Variants in SEMA5A observed in about 807,000 individuals in gnomAD.
SEMA5A encodes the protein semaphorin 5A.
SEMA5A carries 55 observed loss-of-function variants against 135.5 expected under a neutral mutation model. That is an observed-to-expected ratio of 0.41 (90% confidence interval 0.33 to 0.51). The LOEUF (loss-of-function observed/expected upper bound fraction) is 0.51. Among genes scored for constraint, SEMA5A ranks in the 20% least tolerant of loss-of-function variants. The probability of loss-of-function intolerance (pLI) is 0.37; values close to 1 mark genes in which losing one functional copy is unlikely to be tolerated. For synonymous variants in SEMA5A, 580 were observed against 546.5 expected, an observed-to-expected ratio of 1.06 and a Z score of -0.85; for missense variants, 1,290 against 1,419.9, an observed-to-expected ratio of 0.91 and a Z score of 1.47.
chr5:9,303,137 G>C lies in SEMA5A; in HGVS notation c.270+15235C>G, dbSNP rs866345943. Among the ~76,000 whole-genome samples the C allele has an allele frequency of 4.9e-5, 7 of 142,884 alleles. 1 individual carries two copies. The highest frequency in any genetic ancestry group is 1.0e-4 in the African/African-American group (4 of 38,132). The allele number at this position is 142,884 out of a possible 152,430, so 93.7% of individuals were successfully genotyped here. A position where few individuals can be genotyped will look rare whatever the true frequency, so the allele number is the denominator to read the frequency against. ...ATATATAATTTTTTTTTTTTTTTGA[G>C]ACAGAGTCTCGCTCTGTTGCCCAGG... is the stretch of plus-strand genomic sequence containing the variant. On this transcript the variant is annotated intron_variant, in intron 5 of 22. Coordinates refer to ENST00000382496, the MANE Select transcript of SEMA5A (RefSeq NM_003966.3).
intron 5 of SEMA5A, among the ~76,000 whole-genome samples, chr5:9,276,175 A>G (rs1561098044): frequency 6.7e-6 from 1 of 149,386 alleles, no homozygotes; most frequent in Non-Finnish European, 1.5e-5. Context: ...TAACAGACAA[A>G]CAGAGAGCCA....
At chr5:9,115,567 C>T (rs1272700939) in intron 15 of SEMA5A, among the ~76,000 whole-genome samples, 1 of 152,192 alleles carries the variant, frequency 6.6e-6, no homozygotes, top group Admixed American at 6.5e-5. Flanking sequence ...GATTAACAGA[C>T]TGATGGGAAC....
rs137965166 is a variant in SEMA5A at position 9,434,802 on chromosome 5, C to T, written c.-78+2954G>A. Among the ~76,000 whole-genome samples the T allele has an allele frequency of 3.8e-3, 571 of 152,264 alleles. 4 individuals are homozygous for T. The highest frequency in any genetic ancestry group is 0.013 in the African/African-American group (547 of 41,520). ...GAATAAGTACCTAGGGGCCAGTGCT[C>T]CTTGACAAAGGCATGTCTCCAAAAC... On this transcript the variant is annotated intron_variant, in intron 2 of 22. Coordinates refer to ENST00000382496, the MANE Select transcript of SEMA5A (RefSeq NM_003966.3).
chr5:9,542,815 C>A (rs1162297346), intron 1 of SEMA5A, among the ~76,000 whole-genome samples: 11 of 152,144 alleles, frequency 7.2e-5, no homozygotes. Flanking sequence ...ATCTTGCACA[C>A]CATCTGCTTT....
At chr5:9,347,373 G>A (rs530438655) in intron 3 of SEMA5A, among the ~76,000 whole-genome samples, 1 of 152,176 alleles carries the variant, frequency 6.6e-6, no homozygotes, top group Non-Finnish European at 1.5e-5. Flanking sequence ...TTTGCAAAAG[G>A]TCTACACTCT....
intron 16 of SEMA5A, among the ~76,000 whole-genome samples, chr5:9,074,701 G>C (rs1737949991): frequency 6.6e-6 from 1 of 152,100 alleles, no homozygotes; most frequent in Non-Finnish European, 1.5e-5. Flanking sequence ...TTTCAACAAA[G>C]ATATGTGATG....
intron 1 of SEMA5A, among the ~76,000 whole-genome samples, chr5:9,521,587 G>T (rs1736835830): frequency 6.6e-6 from 1 of 152,172 alleles, no homozygotes; most frequent in African/African-American, 2.4e-5. Flanking sequence ...ACACCGCTCG[G>T]TCTATTCCTG....
rs3834271 is a variant in SEMA5A, at chr5:9,043,030, T to TAA, written c.3106-16_3106-15dup. On this transcript the variant is annotated splice_polypyrimidine_tract_variant and intron_variant, in intron 22 of 22. Coordinates refer to ENST00000382496, the MANE Select transcript of SEMA5A (RefSeq NM_003966.3). Reference sequence around the variant, plus strand: ...TTTGTTAAATGCCTGGAAAATATATTAAAAAAAAACAGGTTTAAGAATGCT... The same window carrying TAA: ...TTTGTTAAATGCCTGGAAAATATATTAAAAAAAAAAACAGGTTTAAGAATGCT... The TAA allele has an allele frequency of 0.015, 20,387 of 1,329,216 alleles. 41 individuals carry two copies. The highest frequency in any genetic ancestry group is 0.027 in the South Asian group (1,934 of 72,936). 82.3% of individuals were successfully genotyped at this position (1,329,216 alleles called of 1,614,324 possible). A position where few individuals can be genotyped will look rare whatever the true frequency, so the allele number is the denominator to read the frequency against.
intron 12 of SEMA5A, among the ~76,000 whole-genome samples, chr5:9,142,465 C>T (rs1303575843): frequency 6.6e-6 from 1 of 152,152 alleles, no homozygotes; most frequent in Non-Finnish European, 1.5e-5. Flanking sequence ...GCAAGTGTTG[C>T]ATACTTTAAA....
chr5:9,504,701 G>A (rs1378746796), intron 1 of SEMA5A, among the ~76,000 whole-genome samples: 3 of 152,228 alleles, frequency 2.0e-5, no homozygotes, highest in African/African-American at 4.8e-5. Context: ...AAGGACAGGT[G>A]CAAGGGAGGA....
intron 11 of SEMA5A, among the ~76,000 whole-genome samples, chr5:9,159,766 A>G (rs960620575): frequency 6.6e-6 from 1 of 152,248 alleles, no homozygotes; most frequent in Non-Finnish European, 1.5e-5. Flanking sequence ...TGTTTATTGC[A>G]GCACTATTTA....
At chr5:9,344,707 A>G (rs1753788152) in intron 3 of SEMA5A, among the ~76,000 whole-genome samples, 2 of 152,228 alleles carry the variant, frequency 1.3e-5, no homozygotes, top group African/African-American at 4.8e-5. Context: ...GCAAACTCCA[A>G]AATGTACAGA....
At chr5:9,145,641 CTTTTTTT>C (rs36054284) in intron 12 of SEMA5A, among the ~76,000 whole-genome samples, 2 of 117,538 alleles carry the variant, frequency 1.7e-5, no homozygotes, top group African/African-American at 6.3e-5. Context: ...AAGAAGAAAA[CTTTTTTT>C]TTTTTTTTTT....
At chr5:9,245,238 T>C (rs887536050) in intron 5 of SEMA5A, among the ~76,000 whole-genome samples, 2 of 152,160 alleles carry the variant, frequency 1.3e-5, no homozygotes, top group African/African-American at 2.4e-5. Context: ...TATTCACATG[T>C]CTATGTTCCC....
At chr5:9,207,231 G>T (rs1316140231) in intron 8 of SEMA5A, among the ~76,000 whole-genome samples, 1 of 150,844 alleles carries the variant, frequency 6.6e-6, no homozygotes, top group African/African-American at 2.4e-5. Flanking sequence ...TGTTGCCCAG[G>T]CTGGAGTGCA....
At chr5:9,300,528 C>T (rs2150609466) in intron 5 of SEMA5A, among the ~76,000 whole-genome samples, 2 of 152,276 alleles carry the variant, frequency 1.3e-5, no homozygotes, top group South Asian at 4.1e-4. Flanking sequence ...AGAATCTCTT[C>T]CAAACAAAGA....
intron 8 of SEMA5A, among the ~76,000 whole-genome samples, chr5:9,207,114 A>ATATATG (rs1746070566): frequency 7.6e-6 from 1 of 132,420 alleles, no homozygotes; most frequent in Non-Finnish European, 1.6e-5. Context: ...ATATATATAT[A>ATATATG]TATATATATA....
At chr5:9,093,901 G>A (rs1311125577) in intron 16 of SEMA5A, among the ~76,000 whole-genome samples, 1 of 152,068 alleles carries the variant, frequency 6.6e-6, no homozygotes, top group Non-Finnish European at 1.5e-5. Flanking sequence ...TGCACACAGA[G>A]ACTTTCAGGG....
At chr5:9,213,418 T>G (rs1358478142) in intron 8 of SEMA5A, among the ~76,000 whole-genome samples, 1 of 152,124 alleles carries the variant, frequency 6.6e-6, no homozygotes, top group African/African-American at 2.4e-5. Flanking sequence ...AAACTGAACA[T>G]GGTAAGAAGA....
Sources: allele counts gnomAD v4.1 joint callset (sites outside exome capture counted in the v4.1 genomes callset), GRCh38; gene constraint gnomAD v4.1.1; transcripts MANE v1.5; gene names NCBI Gene and HGNC (gene_info 2026-07-23, HGNC 2026-07-21).